ADCY8: variants seen among roughly 807,000 people sequenced by gnomAD.
The protein encoded by ADCY8 is adenylate cyclase type 8.
In ADCY8, 51 loss-of-function variants were observed where a neutral mutation model predicts 119.7. That is an observed-to-expected ratio of 0.43 (90% CI 0.34 to 0.54). The LOEUF is 0.54. ADCY8 is among the 20% of genes least tolerant of loss of function. The pLI, the probability that ADCY8 is intolerant of heterozygous loss-of-function variation, is 0.03. For synonymous variants in ADCY8, 665 were observed against 651.0 expected, an observed-to-expected ratio of 1.02 and a Z score of -0.33; for missense variants, 1,383 against 1,598.8, an observed-to-expected ratio of 0.87 and a Z score of 2.30.
intron 5 of ADCY8, among the ~76,000 whole-genome samples, chr8:130,931,985 G>A (rs532203555): frequency 7.2e-5 from 11 of 152,190 alleles, no homozygotes; most frequent in African/African-American, 2.4e-4. Flanking sequence ...TCTTAGTGAT[G>A]TCATATTTCC....
At chr8:130,893,234 G>A (rs775216844) in intron 7 of ADCY8, among the ~76,000 whole-genome samples, 10 of 152,264 alleles carry the variant, frequency 6.6e-5, no homozygotes, top group East Asian at 3.9e-4. Context: ...TATCACATCC[G>A]TAGTAATGTG....
intron 15 of ADCY8, among the ~76,000 whole-genome samples, chr8:130,788,134 T>C (rs1815315311): frequency 1.3e-5 from 2 of 152,224 alleles, no homozygotes; most frequent in Non-Finnish European, 2.9e-5. Context: ...GTTGATTTCA[T>C]ATCCTGGCAA....
rs189547968 is a variant in ADCY8 at position 130,988,537 on chromosome 8, C to T, written c.1110+1856G>A. Among the ~76,000 whole-genome samples the T allele has an allele frequency of 7.7e-4, 117 of 152,060 alleles. 1 individual carries two copies. Among genetic ancestry groups the T allele is most frequent in the Non-Finnish European group, 7.2e-4 (49 of 68,004 alleles). ...TAATGCAGAAGAGAAAGATATTGGC[C>T]CATGTATAAAAAAGGAACCTATGGT... is the stretch of plus-strand genomic sequence containing the variant. On this transcript the variant is annotated intron_variant, in intron 2 of 17. Transcript: ENST00000286355.
intron 5 of ADCY8, among the ~76,000 whole-genome samples, chr8:130,911,513 ATT>A (rs36185098): frequency 6.6e-6 from 1 of 151,592 alleles, no homozygotes; most frequent in Non-Finnish European, 1.5e-5. Flanking sequence ...ACTATTAAAA[ATT>A]TTTTTTAAAA....
chr8:131,028,276 G>T (rs1055160923), intron 1 of ADCY8, among the ~76,000 whole-genome samples: 5 of 152,216 alleles, frequency 3.3e-5, no homozygotes, highest in African/African-American at 1.2e-4. Context: ...CTTCTCTCTG[G>T]CTGAGATGGC....
At chr8:130,936,933 A>G in intron 5 of ADCY8, 140 bp downstream of exon 5, 2 of 1,046,788 alleles carry the variant, frequency 1.9e-6, no homozygotes, top group Non-Finnish European at 2.7e-6. Flanking sequence ...TGGGAGAACT[A>G]AGGGGCACAC....
intron 2 of ADCY8, among the ~76,000 whole-genome samples, chr8:130,988,302 G>A (rs1370967169): frequency 6.6e-6 from 1 of 152,034 alleles, no homozygotes; most frequent in African/African-American, 2.4e-5. Flanking sequence ...AATACCCTTG[G>A]GTAAATAAAG....
intron 1 of ADCY8, among the ~76,000 whole-genome samples, chr8:131,021,931 C>T (rs1823682388): frequency 6.6e-6 from 1 of 152,068 alleles, no homozygotes; most frequent in African/African-American, 2.4e-5. Flanking sequence ...CAAACATATG[C>T]AAAAACAATT....
intron 8 of ADCY8, among the ~76,000 whole-genome samples, chr8:130,879,818 C>T (rs1818702211): frequency 6.6e-6 from 1 of 151,988 alleles, no homozygotes; most frequent in Non-Finnish European, 1.5e-5. Flanking sequence ...GTTACGAAGC[C>T]CTGTGCATAC....
intron 13 of ADCY8, among the ~76,000 whole-genome samples, chr8:130,817,706 C>T (rs552211327): frequency 2.8e-4 from 43 of 152,286 alleles, no homozygotes; most frequent in African/African-American, 9.4e-4. Flanking sequence ...ACCAGAACCT[C>T]ATGGTCACCT....
intron 12 of ADCY8, 113 bp downstream of exon 12, chr8:130,836,164 C>A: frequency 8.4e-7 from 1 of 1,189,034 alleles, no homozygotes; most frequent in Non-Finnish European, 1.2e-6. Flanking sequence ...AGATATAAGT[C>A]AATATCCAAT....
chr8:130,803,045 T>G (rs1287419294), intron 14 of ADCY8, among the ~76,000 whole-genome samples: 2 of 152,230 alleles, frequency 1.3e-5, no homozygotes, highest in Admixed American at 6.5e-5. Flanking sequence ...TCCAAGCTAC[T>G]TGTGTTTACT....
intron 9 of ADCY8, among the ~76,000 whole-genome samples, chr8:130,852,207 G>A (rs1011055138): frequency 6.6e-6 from 1 of 152,190 alleles, no homozygotes; most frequent in Non-Finnish European, 1.5e-5. Flanking sequence ...GCTACTTTAA[G>A]GCTGGAAAGT....
chr8:130,790,811 G>T (rs942154403), intron 15 of ADCY8, among the ~76,000 whole-genome samples: 1 of 152,128 alleles, frequency 6.6e-6, no homozygotes, highest in Admixed American at 6.5e-5. Context: ...TGGCAGCTCT[G>T]GGGCAATATA....
At chr8:130,962,299 G>C (rs974603602) in intron 2 of ADCY8, among the ~76,000 whole-genome samples, 1 of 152,194 alleles carries the variant, frequency 6.6e-6, no homozygotes, top group Non-Finnish European at 1.5e-5. Context: ...AAATAAAATA[G>C]GAAAGTTTGC....
chr8:130,946,031 G>A (rs879578971), intron 3 of ADCY8, among the ~76,000 whole-genome samples: 3 of 152,186 alleles, frequency 2.0e-5, no homozygotes, highest in African/African-American at 7.2e-5. Context: ...AGAAAGAAAA[G>A]TCATTGCTAT....
chr8:130,783,729 A>G lies in ADCY8; in HGVS notation c.3230T>C (p.Ile1077Thr). The change falls in exon 17 of 18, where the codon ATC becomes ACC. Residue 1077 changes from isoleucine (I) to threonine (T), a missense_variant. This residue lies in a region of ADCY8 where 928 missense variants were observed against 1,163.5 expected (regional missense o/e 0.80). Transcript: ENST00000286355. ...SLALTESIQE[I>T]NKHSFNNFEL... ...AAAATTGTTGAATGAATGCTTGTTG[A>G]TCTCCTGTATGCTTTCTGTCAGGGC... 6.2e-7 allele frequency: 1 copy of G among 1,613,562 alleles called. No individual in the cohort carries two copies. Among genetic ancestry groups the G allele is most frequent in the Non-Finnish European group, 8.5e-7 (1 of 1,179,752 alleles).
intron 7 of ADCY8, among the ~76,000 whole-genome samples, chr8:130,888,711 T>G (rs1050333884): frequency 1.3e-5 from 2 of 152,120 alleles, no homozygotes; most frequent in African/African-American, 4.8e-5. Context: ...GGTAGCCCTT[T>G]GTAAATTGCA....
chr8:130,933,347 G>A (rs1006397803), intron 5 of ADCY8, among the ~76,000 whole-genome samples: 4 of 152,100 alleles, frequency 2.6e-5, no homozygotes, highest in African/African-American at 9.7e-5. Context: ...GCAGTAATTG[G>A]TTAAGATTAT....
Sources: allele counts gnomAD v4.1 joint callset (sites outside exome capture counted in the v4.1 genomes callset), GRCh38; gene constraint gnomAD v4.1.1; regional missense constraint gnomAD v4.1.1; transcripts MANE v1.5; gene names NCBI Gene and HGNC (gene_info 2026-07-23, HGNC 2026-07-21).